RABGEF1: variants seen among roughly 807,000 people sequenced by gnomAD.
RABGEF1 encodes RAB guanine nucleotide exchange factor 1, also known as rab5 GDP/GTP exchange factor.
Under a neutral mutation model 57.3 loss-of-function variants are expected in RABGEF1, and 26 were observed. The observed-to-expected ratio is 0.45, with a 90% CI of 0.33 to 0.63. RABGEF1 has a LOEUF of 0.63. RABGEF1 is among the 20% of genes least tolerant of loss of function. The pLI is 0.02. For synonymous variants in RABGEF1, 185 were observed against 210.7 expected, an observed-to-expected ratio of 0.88 and a Z score of 1.06; for missense variants, 464 against 607.6, an observed-to-expected ratio of 0.76 and a Z score of 2.48.
intron 2 of RABGEF1, among the ~76,000 whole-genome samples, chr7:66,725,615 C>T (rs545789257): frequency 6.6e-6 from 1 of 152,226 alleles, no homozygotes; most frequent in African/African-American, 2.4e-5. Context: ...TTTGTTCCAT[C>T]CATGGCAATT....
At chr7:66,797,808 G>GTT (rs1196353853) in intron 6 of RABGEF1, among the ~76,000 whole-genome samples, 1 of 152,226 alleles carries the variant, frequency 6.6e-6, no homozygotes, top group Non-Finnish European at 1.5e-5. Flanking sequence ...ATCTCCTCAA[G>GTT]TGGGAAGCTG....
intron 1 of RABGEF1, among the ~76,000 whole-genome samples, chr7:66,768,126 C>G (rs1806204024): frequency 6.6e-6 from 1 of 152,056 alleles, no homozygotes; most frequent in Non-Finnish European, 1.5e-5. Flanking sequence ...GAGGAAATAC[C>G]CAGGAGAGGG....
At chr7:66,672,335 G>T in the RABGEF1 span, among the ~76,000 whole-genome samples, 2 of 152,102 alleles carry the variant, frequency 1.3e-5, no homozygotes, top group Non-Finnish European at 2.9e-5. Flanking sequence ...AGGAGGCTGA[G>T]GCAGGAGAAT....
chr7:66,751,123 C>T (rs1007439479), intron 1 of RABGEF1, among the ~76,000 whole-genome samples: 3 of 151,974 alleles, frequency 2.0e-5, no homozygotes, highest in Non-Finnish European at 2.9e-5. Flanking sequence ...CTCCACCTCC[C>T]AGGTTCAAGC....
chr7:66,784,995 G>A (rs1810822849), intron 4 of RABGEF1, among the ~76,000 whole-genome samples: 2 of 152,078 alleles, frequency 1.3e-5, no homozygotes, highest in African/African-American at 2.4e-5. Flanking sequence ...CACATGAAAT[G>A]TTCACGGGAT....
chr7:66,756,752 TTC>T (rs1430253785), intron 1 of RABGEF1, among the ~76,000 whole-genome samples: 1 of 152,198 alleles, frequency 6.6e-6, no homozygotes, highest in African/African-American at 2.4e-5. Flanking sequence ...TCTTTCCATT[TTC>T]TGTTTGTCTC....
chr7:66,768,602 C>T (rs956513854), intron 1 of RABGEF1, among the ~76,000 whole-genome samples: 8 of 152,270 alleles, frequency 5.3e-5, no homozygotes, highest in Admixed American at 5.2e-4. Flanking sequence ...GTTCATTGTT[C>T]AGAGTTTTGT....
At chr7:66,797,128 C>T (rs1347210117) in intron 5 of RABGEF1, among the ~76,000 whole-genome samples, 1 of 151,276 alleles carries the variant, frequency 6.6e-6, no homozygotes, top group East Asian at 2.0e-4. Flanking sequence ...GGTAAAACCC[C>T]ATCTCCACAG....
chr7:66,682,929 C>T (rs980251424), intron 1 of RABGEF1, among the ~76,000 whole-genome samples: 3 of 152,086 alleles, frequency 2.0e-5, no homozygotes, highest in Non-Finnish European at 4.4e-5. Flanking sequence ...AGGACTCTGC[C>T]GCTTTGGAGG....
At chr7:66,693,284 C>T (rs910814322) in intron 1 of RABGEF1, among the ~76,000 whole-genome samples, 28 of 152,300 alleles carry the variant, frequency 1.8e-4, no homozygotes, top group African/African-American at 6.3e-4. Flanking sequence ...GTTTCCACCC[C>T]CCAGGGCACC....
rs1224800315 is a variant in RABGEF1 at position 66,753,701 on chromosome 7, G to GTTTTTTTTTT, written c.-18+12923_-18+12932dup. Among the ~76,000 whole-genome samples the GTTTTTTTTTT allele has an allele frequency of 6.2e-3, 492 of 78,772 alleles. 44 individuals are homozygous for GTTTTTTTTTT. Among genetic ancestry groups the GTTTTTTTTTT allele is most frequent in the Middle Eastern group, 0.052 (3 of 58 alleles). The allele number at this position is 78,772 out of a possible 152,430, so 51.7% of individuals were successfully genotyped here. A position where few individuals can be genotyped will look rare whatever the true frequency, so the allele number is the denominator to read the frequency against. ...ATCTGAAAATGTCTATTTTGCCATC[G>GTTTTTTTTTT]TTTTTTTTTTTTTTTTTTTTTTTGA... is the stretch of plus-strand genomic sequence containing the variant. On this transcript the variant is annotated intron_variant, in intron 1 of 8. Coordinates refer to ENST00000284957, the MANE Select transcript of RABGEF1 (RefSeq NM_014504.3).
At chr7:66,738,008 T>TTTTTTG (rs1224223666), upstream of RABGEF1, among the ~76,000 whole-genome samples, 1 of 118,918 alleles carries the variant, frequency 8.4e-6, no homozygotes. Flanking sequence ...CTTGGTTGTG[T>TTTTTTG]TTTTTGTTTT....
intron 1 of RABGEF1, among the ~76,000 whole-genome samples, chr7:66,753,700 C>CTTTTTTTTTTTTTT (rs1562788670): frequency 1.4e-4 from 11 of 78,508 alleles, no homozygotes; most frequent in South Asian, 1.2e-3. Context: ...ATTTTGCCAT[C>CTTTTTTTTTTTTTT]GTTTTTTTTT....
At chr7:66,671,040 GAGAT>G in the RABGEF1 span, among the ~76,000 whole-genome samples, 61 of 151,986 alleles carry the variant, frequency 4.0e-4, no homozygotes, top group Non-Finnish European at 8.1e-4. Flanking sequence ...TATAGAGAGA[GAGAT>G]AGAGAGATGG....
At chr7:66,747,578 TTTTC>T (rs1301119288) in intron 1 of RABGEF1, among the ~76,000 whole-genome samples, 6 of 152,238 alleles carry the variant, frequency 3.9e-5, no homozygotes, top group Admixed American at 3.3e-4. Flanking sequence ...ATATTTATAA[TTTTC>T]TGTGTGCTTT....
At chr7:66,683,246 G>A (rs1000009842) in intron 1 of RABGEF1, among the ~76,000 whole-genome samples, 1 of 152,154 alleles carries the variant, frequency 6.6e-6, no homozygotes, top group Non-Finnish European at 1.5e-5. Flanking sequence ...CCAGAGTGCT[G>A]GGATTAGAGA....
chr7:66,786,204 G>A (rs1448342279), intron 4 of RABGEF1, among the ~76,000 whole-genome samples: 1 of 152,174 alleles, frequency 6.6e-6, no homozygotes, highest in African/African-American at 2.4e-5. Context: ...TATGGGTCAA[G>A]TCTAGAAAAT....
intron 3 of RABGEF1, 77 bp downstream of exon 3, chr7:66,775,470 G>A (rs983773430): frequency 2.0e-6 from 3 of 1,514,778 alleles, no homozygotes; most frequent in Non-Finnish European, 1.8e-6. Context: ...CATAAGCTCA[G>A]CTTTGTAATT....
At chr7:66,737,124 C>A, upstream of RABGEF1, among the ~76,000 whole-genome samples, 1 of 134,042 alleles carries the variant, frequency 7.5e-6, no homozygotes, top group Non-Finnish European at 1.6e-5. Context: ...GAGAGAGAAT[C>A]TTGCTGTGTT....
Sources: gnomAD v4.1 joint callset for allele counts (sites outside exome capture counted in the v4.1 genomes callset) on GRCh38, gnomAD v4.1.1 for gene constraint, MANE v1.5 for transcripts, NCBI Gene and HGNC (gene_info 2026-07-23, HGNC 2026-07-21) for gene names.